GPC5: variants seen among roughly 807,000 people sequenced by gnomAD.
The protein encoded by GPC5 is glypican 5, also known as glypican-5.
Under a neutral mutation model 53.9 loss-of-function variants are expected in GPC5, and 47 were observed. The ratio of observed to expected loss-of-function variants is 0.87; its 90% CI spans 0.69 to 1.11. GPC5 has a LOEUF of 1.11. Among genes scored for constraint, GPC5 ranks in the 50% most tolerant of loss-of-function variants. The pLI is 0.00. For missense variants in GPC5, 748 were observed against 713.1 expected, an observed-to-expected ratio of 1.05 and a Z score of -0.56; for synonymous variants, 286 against 263.3, an observed-to-expected ratio of 1.09 and a Z score of -0.84.
At chr13:92,811,591 G>T (rs1877301096) in intron 7 of GPC5, among the ~76,000 whole-genome samples, 1 of 151,700 alleles carries the variant, frequency 6.6e-6, no homozygotes. Flanking sequence ...TCTTAATAAT[G>T]TCTTTGATGC....
At chr13:92,217,092 C>A (rs551127104) in intron 7 of GPC5, among the ~76,000 whole-genome samples, 1 of 152,094 alleles carries the variant, frequency 6.6e-6, no homozygotes, top group Non-Finnish European at 1.5e-5. Context: ...TTGCACTTAC[C>A]ACCTTCTCTA....
intron 2 of GPC5, among the ~76,000 whole-genome samples, chr13:91,479,201 C>T (rs1281578192): frequency 6.6e-6 from 1 of 151,902 alleles, no homozygotes; most frequent in African/African-American, 2.4e-5. Context: ...GCTTGAGCCA[C>T]CACACTCAGC....
chr13:92,604,246 G>C (rs1171193894), intron 7 of GPC5, among the ~76,000 whole-genome samples: 1 of 152,046 alleles, frequency 6.6e-6, no homozygotes, highest in Non-Finnish European at 1.5e-5. Context: ...AAAATAAAAG[G>C]ATCTCTACAT....
chr13:92,040,417 G>C (rs925058038), intron 6 of GPC5, among the ~76,000 whole-genome samples: 1 of 152,226 alleles, frequency 6.6e-6, no homozygotes, highest in African/African-American at 2.4e-5. Flanking sequence ...GTAGGGAGTG[G>C]CTCAAGGCCT....
At chr13:91,805,475 A>G (rs1394174077) in intron 5 of GPC5, among the ~76,000 whole-genome samples, 4 of 93,444 alleles carry the variant, frequency 4.3e-5, no homozygotes, top group Middle Eastern at 6.2e-3. Flanking sequence ...CATTAATTTG[A>G]CTTTGGTCAA....
intron 7 of GPC5, among the ~76,000 whole-genome samples, chr13:92,654,753 CAA>C (rs36012771): frequency 1.3e-4 from 20 of 148,384 alleles, no homozygotes; most frequent in South Asian, 1.3e-3. Flanking sequence ...TTGTATTCAT[CAA>C]AAAAAAAAAA....
chr13:91,811,996 G>T (rs903024234), intron 5 of GPC5, among the ~76,000 whole-genome samples: 1 of 152,218 alleles, frequency 6.6e-6, no homozygotes, highest in Non-Finnish European at 1.5e-5. Context: ...GAAACAGGTT[G>T]CTGAGTCTAG....
At chr13:92,648,073 C>A (rs1885832486) in intron 7 of GPC5, among the ~76,000 whole-genome samples, 1 of 151,876 alleles carries the variant, frequency 6.6e-6, no homozygotes, top group South Asian at 2.1e-4. Context: ...GCTTGTGAAA[C>A]CTTTTCTAAA....
At chr13:92,621,084 C>G (rs1227241566) in intron 7 of GPC5, among the ~76,000 whole-genome samples, 1 of 152,088 alleles carries the variant, frequency 6.6e-6, no homozygotes, top group Non-Finnish European at 1.5e-5. Flanking sequence ...ATCTCTTTCT[C>G]TTGCCTCTTC....
At chr13:92,119,998 G>T (rs2041635682) in intron 6 of GPC5, among the ~76,000 whole-genome samples, 1 of 152,094 alleles carries the variant, frequency 6.6e-6, no homozygotes, top group South Asian at 2.1e-4. Context: ...ATATTCACAG[G>T]TTGTAGATCT....
intron 7 of GPC5, among the ~76,000 whole-genome samples, chr13:92,648,383 T>C (rs1486043038): frequency 1.3e-5 from 2 of 151,710 alleles, no homozygotes; most frequent in African/African-American, 4.8e-5. Flanking sequence ...ATACTAATCA[T>C]TTTATAAAAA....
intron 7 of GPC5, among the ~76,000 whole-genome samples, chr13:92,475,639 C>T (rs1364701984): frequency 1.3e-5 from 2 of 152,074 alleles, no homozygotes; most frequent in Non-Finnish European, 2.9e-5. Context: ...TCAAACTATA[C>T]TACAAGGCTA....
chr13:92,833,825 A>G (rs528185753), intron 7 of GPC5, among the ~76,000 whole-genome samples: 15 of 152,188 alleles, frequency 9.9e-5, no homozygotes, highest in Non-Finnish European at 2.2e-4. Context: ...TGTGACTATA[A>G]AGCTTTAACA....
chr13:91,681,996 G>A (rs1479041159), intron 2 of GPC5, among the ~76,000 whole-genome samples: 1 of 113,312 alleles, frequency 8.8e-6, no homozygotes, highest in Non-Finnish European at 1.8e-5. Context: ...TTTTATATAG[G>A]GTGTCAGACT....
intron 1 of GPC5, among the ~76,000 whole-genome samples, chr13:91,407,061 A>G (rs1297788938): frequency 2.0e-5 from 3 of 152,244 alleles, no homozygotes; most frequent in Non-Finnish European, 4.4e-5. Flanking sequence ...GCCAACATTT[A>G]TAAATAAATA....
intron 2 of GPC5, among the ~76,000 whole-genome samples, chr13:91,529,063 T>C (rs1886217427): frequency 6.6e-6 from 1 of 152,204 alleles, no homozygotes; most frequent in Non-Finnish European, 1.5e-5. Flanking sequence ...GAAAAGCTGA[T>C]ATTATTTTAT....
intron 7 of GPC5, among the ~76,000 whole-genome samples, chr13:92,233,008 A>G (rs891890012): frequency 1.3e-5 from 2 of 152,216 alleles, no homozygotes; most frequent in African/African-American, 2.4e-5. Flanking sequence ...TCATATGTGA[A>G]TGTCGGCCAC....
rs191705060 is a variant in GPC5, at chr13:92,207,589, C to T, written c.1561+62600C>T. Among the ~76,000 whole-genome samples the T allele has an allele frequency of 5.3e-5, 8 of 152,340 alleles. No homozygotes were observed. In the East Asian group the frequency reaches 5.8e-4, roughly 11 times the overall value. On this transcript the variant is annotated intron_variant, in intron 7 of 7. Transcript: ENST00000377067. ...AGAAAGGAATCTGTCTATTGAGAAA[C>T]CTCACTTGGCCACCTTCATGTTGAA...
intron 7 of GPC5, among the ~76,000 whole-genome samples, chr13:92,838,043 A>G (rs1594540078): frequency 1.3e-5 from 2 of 151,928 alleles, no homozygotes; most frequent in African/African-American, 4.8e-5. Context: ...GTGCCATTGC[A>G]CTCCAGCCTG....
Sources: gnomAD v4.1 joint callset for allele counts (sites outside exome capture counted in the v4.1 genomes callset) on GRCh38, gnomAD v4.1.1 for gene constraint, MANE v1.5 for transcripts, NCBI Gene and HGNC (gene_info 2026-07-23, HGNC 2026-07-21) for gene names.